The following MORC1 variants were observed in gnomAD, a reference collection of about 807,000 sequenced individuals.
MORC1 encodes MORC family CW-type zinc finger 1.
MORC1 carries 59 observed loss-of-function variants against 134.9 expected under a neutral mutation model. The observed-to-expected ratio is 0.44, with a 90% CI of 0.35 to 0.54. The LOEUF (loss-of-function observed/expected upper bound fraction) is 0.54. MORC1 is among the 20% of genes least tolerant of loss of function. The probability of loss-of-function intolerance (pLI) is 0.00; values close to 1 mark genes in which losing one functional copy is unlikely to be tolerated. For synonymous variants in MORC1, 395 were observed against 391.7 expected, an observed-to-expected ratio of 1.01 and a Z score of -0.10; for missense variants, 947 against 1,134.5, an observed-to-expected ratio of 0.83 and a Z score of 2.37.
rs1576764579 is a variant in MORC1, at chr3:109,118,125, G to GCCCGCGCCCACT, written c.-67_-66insAGTGGGCGCGGG. 1.5e-5 allele frequency: 23 copies of GCCCGCGCCCACT among 1,546,660 alleles called. No homozygotes were observed. The East Asian group carries it at 4.6e-4, about 31-fold the overall frequency. ...ACCTGACCGGCAGCCGTTCGCCTGC[G>GCCCGCGCCCACT]CCCGCGCCCACTCCCACGCCCACGC... On this transcript the variant is annotated 5_prime_UTR_variant, in exon 1 of 28. Transcript: ENST00000232603.
chr3:109,077,150 T>C (rs948411933), intron 8 of MORC1, among the ~76,000 whole-genome samples: 5 of 152,110 alleles, frequency 3.3e-5, no homozygotes, highest in African/African-American at 1.2e-4. Context: ...AATATTTCTA[T>C]AACCATTTAA....
At position 109,078,725 on chromosome 3, in the gene MORC1, A is replaced by T. The variant is rs553787351; in HGVS notation, c.690-8968T>A. ...AATCCCAGCAGACTTAATTTTAAAA[A>T]TCCAAAACTGTTTTATTTTTAAAGT... On this transcript the variant is annotated intron_variant, in intron 8 of 27. Coordinates refer to ENST00000232603, the MANE Select transcript of MORC1 (RefSeq NM_014429.4). Among the ~76,000 whole-genome samples the T allele has an allele frequency of 5.9e-5, 9 of 152,036 alleles. No individual in the cohort carries two copies. The South Asian group carries it at 1.7e-3, about 28-fold the overall frequency.
At chr3:109,075,842 A>G (rs1950410395) in intron 8 of MORC1, among the ~76,000 whole-genome samples, 2 of 152,134 alleles carry the variant, frequency 1.3e-5, no homozygotes, top group Admixed American at 6.5e-5. Flanking sequence ...AAGAAAGTCA[A>G]TGGTAGCTTG....
chr3:108,977,725 A>C (rs554673834), intron 24 of MORC1, among the ~76,000 whole-genome samples: 19 of 152,354 alleles, frequency 1.2e-4, no homozygotes, highest in African/African-American at 4.6e-4. Flanking sequence ...CAGGGTTCAA[A>C]TTTACAGCAA....
At chr3:109,010,048 G>T (rs961743475) in intron 17 of MORC1, among the ~76,000 whole-genome samples, 5 of 151,802 alleles carry the variant, frequency 3.3e-5, no homozygotes, top group Admixed American at 3.3e-4. Flanking sequence ...CTATACCAGG[G>T]GACAGCAAAC....
At chr3:109,046,924 G>C (rs982560) in intron 14 of MORC1, among the ~76,000 whole-genome samples, 24,274 of 152,032 alleles carry the variant, frequency 0.16, 2,153 homozygotes, top group African/African-American at 0.23. Context: ...ATTGTGAGCT[G>C]CTTTATTATA....
chr3:109,012,263 T>C (rs1197187300), intron 17 of MORC1, among the ~76,000 whole-genome samples: 1 of 152,182 alleles, frequency 6.6e-6, no homozygotes, highest in Non-Finnish European at 1.5e-5. Context: ...GCTATATACA[T>C]GTGGGTCTAT....
chr3:109,065,798 A>T (rs554572283), intron 9 of MORC1, among the ~76,000 whole-genome samples: 2 of 152,318 alleles, frequency 1.3e-5, no homozygotes, highest in African/African-American at 4.8e-5. Context: ...GGATTTTTTA[A>T]AAAGTGGTAC....
At chr3:109,004,414 G>A (rs1170409215) in intron 20 of MORC1, among the ~76,000 whole-genome samples, 1 of 152,140 alleles carries the variant, frequency 6.6e-6, no homozygotes, top group Non-Finnish European at 1.5e-5. Context: ...TTGAGATGAT[G>A]TCTATAATCA....
chr3:108,982,064 TAAAC>T (rs1212788912), intron 23 of MORC1, among the ~76,000 whole-genome samples: 3 of 151,502 alleles, frequency 2.0e-5, no homozygotes, highest in Non-Finnish European at 3.0e-5. Context: ...GTACAAGAAA[TAAAC>T]AACCCCATCA....
intron 3 of MORC1, among the ~76,000 whole-genome samples, chr3:109,105,920 T>TA: frequency 6.6e-6 from 1 of 152,316 alleles, no homozygotes; most frequent in Non-Finnish European, 1.5e-5. Flanking sequence ...ATGGTCTGCT[T>TA]ACCTCAACTT....
At chr3:109,116,431 G>C (rs1951276246) in intron 1 of MORC1, among the ~76,000 whole-genome samples, 1 of 152,082 alleles carries the variant, frequency 6.6e-6, no homozygotes, top group African/African-American at 2.4e-5. Context: ...AGAGGTAAAG[G>C]GAGAAATTTA....
At position 109,100,520 on chromosome 3, in the gene MORC1, G is replaced by C; in HGVS notation, c.224-13C>G. 6.2e-7 allele frequency: 1 copy of C among 1,601,016 alleles called. No individual in the cohort carries two copies. Among genetic ancestry groups the C allele is most frequent in the Non-Finnish European group, 8.6e-7 (1 of 1,168,512 alleles). On this transcript the variant is annotated splice_polypyrimidine_tract_variant and intron_variant, in intron 4 of 27. Transcript: ENST00000232603. ...TCTGAAGCTTCCTCTGTAATTGACA[G>C]TGACTTTTAAGGTGGTTAGGAAGAC...
intron 21 of MORC1, among the ~76,000 whole-genome samples, chr3:108,987,169 A>G (rs1947917027): frequency 6.6e-6 from 1 of 152,196 alleles, no homozygotes; most frequent in Non-Finnish European, 1.5e-5. Flanking sequence ...ATGTTTACTC[A>G]TTTGATTTCT....
chr3:108,993,679 T>C (rs1262370479), intron 21 of MORC1, among the ~76,000 whole-genome samples: 1 of 152,226 alleles, frequency 6.6e-6, no homozygotes, highest in African/African-American at 2.4e-5. Context: ...GTTATTGTAC[T>C]ACCTGTACAG....
At chr3:108,968,138 C>A (rs1947270476) in intron 26 of MORC1, among the ~76,000 whole-genome samples, 1 of 152,158 alleles carries the variant, frequency 6.6e-6, no homozygotes, top group Non-Finnish European at 1.5e-5. Context: ...AGAACAGCAT[C>A]AAAATATATT....
chr3:109,008,475 T>C (rs531631461), intron 17 of MORC1, among the ~76,000 whole-genome samples: 30 of 151,440 alleles, frequency 2.0e-4, no homozygotes, highest in African/African-American at 6.0e-4. Context: ...TATATGTATA[T>C]TGCTATTATT....
At chr3:109,017,750 T>G (rs992308792) in intron 17 of MORC1, among the ~76,000 whole-genome samples, 1 of 152,210 alleles carries the variant, frequency 6.6e-6, no homozygotes, top group Non-Finnish European at 1.5e-5. Flanking sequence ...AATGATAGCA[T>G]CTTTTTTTAT....
At chr3:109,037,741 C>T (rs1033997139) in intron 14 of MORC1, among the ~76,000 whole-genome samples, 1 of 152,294 alleles carries the variant, frequency 6.6e-6, no homozygotes, top group East Asian at 1.9e-4. Context: ...TAGTTTCTGG[C>T]TTCATCCATG....
Sources: gnomAD v4.1 joint callset for allele counts (sites outside exome capture counted in the v4.1 genomes callset) on GRCh38, gnomAD v4.1.1 for gene constraint, MANE v1.5 for transcripts, NCBI Gene and HGNC (gene_info 2026-07-23, HGNC 2026-07-21) for gene names.